ESRRG: variants seen among roughly 807,000 people sequenced by gnomAD.
The protein encoded by ESRRG is estrogen related receptor gamma.
In ESRRG, 13 loss-of-function variants were observed where a neutral mutation model predicts 44.0. That is an observed-to-expected ratio of 0.30 (90% CI 0.19 to 0.47). The LOEUF (loss-of-function observed/expected upper bound fraction) is 0.47. Among genes scored for constraint, ESRRG ranks in the 20% least tolerant of loss-of-function variants. ESRRG has a pLI of 1.00. For synonymous variants in ESRRG, 215 were observed against 214.6 expected, an observed-to-expected ratio of 1.00 and a Z score of -0.02; for missense variants, 395 against 580.6, an observed-to-expected ratio of 0.68 and a Z score of 3.29.
At chr1:216,613,704 A>G (rs1393260100) in intron 3 of ESRRG, among the ~76,000 whole-genome samples, 1 of 152,210 alleles carries the variant, frequency 6.6e-6, no homozygotes, top group East Asian at 1.9e-4. Context: ...GGTTACATTA[A>G]TAATGCTGAC....
At chr1:216,903,460 G>C (rs1174518994) in intron 2 of ESRRG, among the ~76,000 whole-genome samples, 1 of 148,360 alleles carries the variant, frequency 6.7e-6, no homozygotes, top group African/African-American at 2.5e-5. Context: ...TGTGTGTGTC[G>C]GGGGACTATG....
intron 5 of ESRRG, among the ~76,000 whole-genome samples, chr1:216,559,424 G>A (rs1279642930): frequency 1.3e-5 from 2 of 152,210 alleles, no homozygotes; most frequent in African/African-American, 2.4e-5. Flanking sequence ...GAAACTTGGA[G>A]CCAGTTAAGA....
chr1:216,859,048 T>C (rs2813681), intron 2 of ESRRG, among the ~76,000 whole-genome samples: 1 of 152,038 alleles, frequency 6.6e-6, no homozygotes, highest in Non-Finnish European at 1.5e-5. Context: ...ATGTGTGTTA[T>C]TACTTTATCC....
intron 3 of ESRRG, among the ~76,000 whole-genome samples, chr1:216,611,838 T>C (rs989159429): frequency 2.0e-5 from 3 of 152,158 alleles, no homozygotes; most frequent in Non-Finnish European, 2.9e-5. Flanking sequence ...GTGCTTTCTT[T>C]TGGATATGTT....
intron 1 of ESRRG, among the ~76,000 whole-genome samples, chr1:217,012,649 A>G (rs2078798096): frequency 1.3e-5 from 2 of 152,194 alleles, no homozygotes; most frequent in African/African-American, 2.4e-5. Flanking sequence ...AGGTTCCTCA[A>G]GCTGCCTCTC....
At chr1:216,693,063 C>T (rs1318419309) in intron 1 of ESRRG, among the ~76,000 whole-genome samples, 5 of 152,166 alleles carry the variant, frequency 3.3e-5, no homozygotes, top group Non-Finnish European at 5.9e-5. Flanking sequence ...TTTCACACTG[C>T]TTTTCCTTCT....
intron 2 of ESRRG, among the ~76,000 whole-genome samples, chr1:216,733,086 C>A (rs2089194365): frequency 6.6e-6 from 1 of 151,378 alleles, no homozygotes; most frequent in Non-Finnish European, 1.5e-5. Flanking sequence ...AAAAATTCAA[C>A]TTTAAAACTA....
chr1:216,853,320 C>T (rs1559873231), intron 2 of ESRRG, among the ~76,000 whole-genome samples: 1 of 152,270 alleles, frequency 6.6e-6, no homozygotes, highest in African/African-American at 2.4e-5. Context: ...GCTGCCAGTT[C>T]GCTCTGAAAT....
rs536370988 is a variant in ESRRG, at chr1:216,754,524, AAAAT to A, written c.-13-77037_-13-77034del. 2.6e-5 allele frequency among the ~76,000 whole-genome samples: 4 copies of A among 151,928 alleles called. No individual in the cohort carries two copies. In the South Asian group the frequency reaches 6.2e-4, roughly 24 times the overall value. On this transcript the variant is annotated intron_variant, in intron 2 of 7. Coordinates refer to the ESRRG transcript ENST00000359162. ...GTTCAGATTTACCAGCAACTGTTAA[AAAAT>A]ATCTGCCTAGGAACTCTATATAAGA...
At chr1:216,901,419 G>C (rs962739764) in intron 2 of ESRRG, among the ~76,000 whole-genome samples, 1 of 152,144 alleles carries the variant, frequency 6.6e-6, no homozygotes, top group Middle Eastern at 3.4e-3. Flanking sequence ...CCAGGCTGGA[G>C]TGCAGTGGCG....
intron 2 of ESRRG, among the ~76,000 whole-genome samples, chr1:216,796,544 C>T (rs555518957): frequency 3.9e-5 from 6 of 152,256 alleles, no homozygotes; most frequent in East Asian, 1.9e-4. Flanking sequence ...AGCATTTGAG[C>T]GGCTTCTTCT....
At chr1:217,082,870 A>G (rs971689272) in intron 1 of ESRRG, among the ~76,000 whole-genome samples, 1 of 152,216 alleles carries the variant, frequency 6.6e-6, no homozygotes, top group South Asian at 2.1e-4. Flanking sequence ...TCAGTATATC[A>G]GGGAAAGAAA....
At chr1:216,949,100 C>T (rs1162640353) in intron 1 of ESRRG, among the ~76,000 whole-genome samples, 1 of 152,122 alleles carries the variant, frequency 6.6e-6, no homozygotes, top group Admixed American at 6.6e-5. Context: ...TGCTGAAGCT[C>T]TAGAATTTAT....
Position 216,528,931 on chromosome 1 carries a change from G to A in ESRRG, c.863-9510C>T, listed in dbSNP as rs565096134. 2.6e-5 allele frequency among the ~76,000 whole-genome samples: 4 copies of A among 152,234 alleles called. No homozygotes were observed. In the East Asian group the frequency reaches 7.8e-4, roughly 30 times the overall value. On this transcript the variant is annotated intron_variant, in intron 5 of 6. Transcript: ENST00000408911. ...CACTACAGTCATTGCAGCACCAAGGGAGTAAGGGCCCTTCCTATGATAAAG... is the reference window on the plus strand; with the variant it reads ...CACTACAGTCATTGCAGCACCAAGGAAGTAAGGGCCCTTCCTATGATAAAG...
At chr1:216,586,317 A>C (rs2063784269) in intron 3 of ESRRG, among the ~76,000 whole-genome samples, 1 of 152,162 alleles carries the variant, frequency 6.6e-6, no homozygotes, top group African/African-American at 2.4e-5. Flanking sequence ...AATATTTCAA[A>C]ATAAAGGCTT....
rs150917796 is a variant in ESRRG at position 216,558,766 on chromosome 1, T to C, written c.862+5453A>G. Among the ~76,000 whole-genome samples, 401 of 152,320 alleles carry C rather than the reference T, an allele frequency of 2.6e-3. 3 individuals are homozygous for C. The highest frequency in any genetic ancestry group is 9.3e-3 in the African/African-American group (386 of 41,574). On this transcript the variant is annotated intron_variant, in intron 5 of 6. Coordinates refer to ENST00000408911, the MANE Select transcript of ESRRG (RefSeq NM_001438.4). ...TTTACTTTCAGAATCATTCGACCCT[T>C]ATTAATCACAACTACAGGTATACAG...
intron 1 of ESRRG, among the ~76,000 whole-genome samples, chr1:217,042,514 A>T (rs2084065850): frequency 7.0e-6 from 1 of 142,218 alleles, no homozygotes; most frequent in African/African-American, 2.6e-5. Context: ...ACACACACAC[A>T]CTGCATGTGC....
chr1:216,591,166 C>T (rs1177627570), intron 3 of ESRRG, among the ~76,000 whole-genome samples: 1 of 152,194 alleles, frequency 6.6e-6, no homozygotes, highest in Admixed American at 6.5e-5. Flanking sequence ...AAACTTAGAA[C>T]TTTCAGCCAC....
intron 2 of ESRRG, among the ~76,000 whole-genome samples, chr1:216,871,206 A>G (rs1417970863): frequency 2.0e-5 from 3 of 152,046 alleles, no homozygotes; most frequent in African/African-American, 7.2e-5. Flanking sequence ...TCAGTTAAAA[A>G]TATTTTCTAA....
Sources: gnomAD v4.1 joint callset for allele counts (sites outside exome capture counted in the v4.1 genomes callset) on GRCh38, gnomAD v4.1.1 for gene constraint, MANE v1.5 for transcripts, NCBI Gene and HGNC (gene_info 2026-07-23, HGNC 2026-07-21) for gene names.